The following PBX3 variants were observed in gnomAD, a reference collection of about 807,000 sequenced individuals.
PBX3 encodes pre-B-cell leukemia transcription factor 3.
Under a neutral mutation model 48.5 loss-of-function variants are expected in PBX3, and 14 were observed. The ratio of observed to expected loss-of-function variants is 0.29; its 90% CI spans 0.19 to 0.45. The LOEUF (loss-of-function observed/expected upper bound fraction) is 0.45. Ranked by LOEUF, PBX3 falls within the 20% of genes least tolerant of loss-of-function variation. The probability of loss-of-function intolerance (pLI) is 1.00; values close to 1 mark genes in which losing one functional copy is unlikely to be tolerated. For missense variants in PBX3, 386 were observed against 546.7 expected, an observed-to-expected ratio of 0.71 and a Z score of 2.93; for synonymous variants, 210 against 200.3, an observed-to-expected ratio of 1.05 and a Z score of -0.41.
At chr9:125,793,366 A>AAAATATATATATATATATATAT (rs59271982) in intron 2 of PBX3, among the ~76,000 whole-genome samples, 1 of 101,976 alleles carries the variant, frequency 9.8e-6, no homozygotes, top group African/African-American at 4.2e-5. Flanking sequence ...GGAAAAAAAA[A>AAAATATATATATATATATATAT]ATATATATAT....
intron 2 of PBX3, among the ~76,000 whole-genome samples, chr9:125,902,324 A>G (rs916518788): frequency 6.6e-6 from 1 of 151,712 alleles, no homozygotes; most frequent in South Asian, 2.1e-4. Flanking sequence ...TTCTCTTGCA[A>G]GAAGAATTTG....
At chr9:125,826,422 T>G (rs936488839) in intron 2 of PBX3, among the ~76,000 whole-genome samples, 1 of 152,164 alleles carries the variant, frequency 6.6e-6, no homozygotes, top group African/African-American at 2.4e-5. Flanking sequence ...GACTCTAGCT[T>G]GTCTGGAATA....
At chr9:125,777,963 CTTTT>C (rs574844395) in intron 2 of PBX3, among the ~76,000 whole-genome samples, 1 of 137,864 alleles carries the variant, frequency 7.3e-6, no homozygotes. Flanking sequence ...CAAATCTTCT[CTTTT>C]TTTTTTTTTT....
intron 6 of PBX3, among the ~76,000 whole-genome samples, chr9:125,961,234 G>GAAGCTGGA (rs1247250079): frequency 1.3e-5 from 2 of 152,218 alleles, no homozygotes; most frequent in Non-Finnish European, 2.9e-5. Flanking sequence ...TGTGTGTGAG[G>GAAGCTGGA]AAGCTGGAAT....
At position 125,826,850 on chromosome 9, in the gene PBX3, A is replaced by G. The variant is rs550117115; in HGVS notation, c.274+78227A>G. 3.5e-4 allele frequency among the ~76,000 whole-genome samples: 53 copies of G among 152,304 alleles called. 1 individual carries two copies. Among genetic ancestry groups the G allele is most frequent in the African/African-American group, 1.2e-3 (49 of 41,580 alleles). On this transcript the variant is annotated intron_variant, in intron 2 of 8. Transcript: ENST00000373489. ...GAGTATTTAAGGTATCCATCACCTT[A>G]AGTATTTATTATTTCTCTGTGTTTG... is the stretch of plus-strand genomic sequence containing the variant.
rs76293420 is a variant in PBX3, at chr9:125,859,529, T to C, written c.275-56157T>C. ...TTAGAATAGCCTTATCAGGCAGTTATTAATGTTTCCATTTTATAGATGAGA... is the reference window on the plus strand; with the variant it reads ...TTAGAATAGCCTTATCAGGCAGTTACTAATGTTTCCATTTTATAGATGAGA... On this transcript the variant is annotated intron_variant, in intron 2 of 8. Coordinates refer to ENST00000373489, the MANE Select transcript of PBX3 (RefSeq NM_006195.6). Among the ~76,000 whole-genome samples, 8 of 152,374 alleles carry C rather than the reference T, an allele frequency of 5.3e-5. No homozygotes were observed. The East Asian group carries it at 1.3e-3, about 26-fold the overall frequency.
chr9:125,941,469 A>G (rs569642580), intron 5 of PBX3, among the ~76,000 whole-genome samples: 21 of 152,346 alleles, frequency 1.4e-4, no homozygotes, highest in African/African-American at 5.1e-4. Flanking sequence ...AAGGGAAAGC[A>G]GAGCTATCAG....
intron 2 of PBX3, among the ~76,000 whole-genome samples, chr9:125,847,720 T>G (rs1372950376): frequency 2.8e-5 from 4 of 143,502 alleles, no homozygotes; most frequent in Non-Finnish European, 6.2e-5. Context: ...GTTTCCAACT[T>G]TTTTTTTTTT....
chr9:125,831,358 G>T (rs949716120), intron 2 of PBX3, among the ~76,000 whole-genome samples: 6 of 151,536 alleles, frequency 4.0e-5, no homozygotes, highest in African/African-American at 1.5e-4. Flanking sequence ...CCCAGTGCCT[G>T]GATTACTGAA....
At position 125,955,258 on chromosome 9, in the gene PBX3, C is replaced by G. The variant is rs562837906; in HGVS notation, c.844-5426C>G. On this transcript the variant is annotated intron_variant, in intron 5 of 8. Coordinates refer to ENST00000373489, the MANE Select transcript of PBX3 (RefSeq NM_006195.6). ...CCTGCGAGCCCCCCTTCAGGCTTTC[C>G]CTTGCCCAGAGCTTCTCCCGCTTCC... is the stretch of plus-strand genomic sequence containing the variant. 9.9e-5 allele frequency among the ~76,000 whole-genome samples: 15 copies of G among 152,250 alleles called. No individual in the cohort carries two copies. The East Asian group carries it at 2.9e-3, about 29-fold the overall frequency.
At chr9:125,838,750 C>G (rs914097471) in intron 2 of PBX3, among the ~76,000 whole-genome samples, 1 of 152,106 alleles carries the variant, frequency 6.6e-6, no homozygotes, top group Non-Finnish European at 1.5e-5. Flanking sequence ...TACCAAAGTA[C>G]GAAACATTAG....
chr9:125,923,961 C>G (rs1372738587), intron 3 of PBX3, among the ~76,000 whole-genome samples: 1 of 152,062 alleles, frequency 6.6e-6, no homozygotes, highest in African/African-American at 2.4e-5. Flanking sequence ...ATCTTCTGGG[C>G]TCAAGTGATC....
At chr9:125,772,283 A>G (rs536208973) in intron 2 of PBX3, among the ~76,000 whole-genome samples, 76 of 152,268 alleles carry the variant, frequency 5.0e-4, no homozygotes, top group African/African-American at 1.8e-3. Flanking sequence ...ATTGACAGGT[A>G]TTGCTTTATT....
intron 3 of PBX3, among the ~76,000 whole-genome samples, chr9:125,925,276 C>T (rs979461979): frequency 7.2e-5 from 11 of 152,012 alleles, no homozygotes; most frequent in African/African-American, 1.7e-4. Context: ...CACAAGATGC[C>T]GTAGAGCTGT....
At chr9:125,907,946 A>T (rs562188019) in intron 2 of PBX3, among the ~76,000 whole-genome samples, 1 of 152,108 alleles carries the variant, frequency 6.6e-6, no homozygotes, top group Non-Finnish European at 1.5e-5. Flanking sequence ...GTTATTTTAA[A>T]AATCAAATGA....
intron 2 of PBX3, among the ~76,000 whole-genome samples, chr9:125,838,002 G>A (rs1051116311): frequency 2.6e-5 from 4 of 152,154 alleles, no homozygotes; most frequent in African/African-American, 9.7e-5. Flanking sequence ...CATTTTAATA[G>A]CAAAGCCAAT....
chr9:125,898,290 A>G (rs1169603303), intron 2 of PBX3, among the ~76,000 whole-genome samples: 1 of 151,742 alleles, frequency 6.6e-6, no homozygotes, highest in Non-Finnish European at 1.5e-5. Flanking sequence ...CTGATAAAAG[A>G]GCAAACTTTT....
At chr9:125,755,075 T>C (rs1001366169) in intron 2 of PBX3, among the ~76,000 whole-genome samples, 1 of 152,094 alleles carries the variant, frequency 6.6e-6, no homozygotes, top group Non-Finnish European at 1.5e-5. Flanking sequence ...CAACATGTTA[T>C]GGCAAAATGA....
At chr9:125,902,901 C>T (rs1268427617) in intron 2 of PBX3, among the ~76,000 whole-genome samples, 2 of 151,696 alleles carry the variant, frequency 1.3e-5, no homozygotes, top group Admixed American at 1.3e-4. Context: ...CACTTGTAAA[C>T]ATAAATTATA....
Sources: allele counts gnomAD v4.1 joint callset (sites outside exome capture counted in the v4.1 genomes callset), GRCh38; gene constraint gnomAD v4.1.1; transcripts MANE v1.5; gene names NCBI Gene and HGNC (gene_info 2026-07-23, HGNC 2026-07-21).